The following GNB3 variants were observed in gnomAD, a reference collection of about 807,000 sequenced individuals.
GNB3 encodes the protein guanine nucleotide-binding protein G(I)/G(S)/G(T) subunit beta-3.
A neutral mutation model predicts 41.2 loss-of-function variants in GNB3; 33 were observed. The observed-to-expected ratio is 0.80, with a 90% CI of 0.61 to 1.07. GNB3 has a LOEUF of 1.07. Ranked by LOEUF, GNB3 falls within the 50% of genes least tolerant of loss-of-function variation. The pLI is 0.00. For missense variants in GNB3, 409 were observed against 455.3 expected (o/e 0.90, Z 0.92); for synonymous variants, 172 against 173.4 (o/e 0.99, Z 0.06).
Position 6,845,642 on chromosome 12 carries a change from G to A in GNB3, c.756G>A (p.Leu252=), listed in dbSNP as rs376864994. 4 of 1,613,876 alleles carry A rather than the reference G, an allele frequency of 2.5e-6. No individual in the cohort carries two copies. The African/African-American group carries it at 4.0e-5, about 16-fold the overall frequency. The change falls in exon 9 of 10, where the codon TTG becomes TTA. Residue 252 remains leucine, a synonymous_variant. Coordinates refer to ENST00000229264, the MANE Select transcript of GNB3 (RefSeq NM_002075.4). ...GCTCGGATGACGCTTCCTGCCGCTT[G>A]TTTGACCTGCGGGCAGACCAGGAGC... ...CTGSDDASCR[L]FDLRADQELI... is the part of the protein sequence containing the mutation.
intron 3 of GNB3, 68 bp downstream of exon 3, chr12:6,841,692 A>G: frequency 8.7e-7 from 1 of 1,148,822 alleles, no homozygotes; most frequent in Non-Finnish European, 1.3e-6. Flanking sequence ...GACCCGCAAT[A>G]GCGCGTTGCT....
chr12:6,842,522 G>A (rs782776645), intron 3 of GNB3, among the ~76,000 whole-genome samples: 1 of 152,348 alleles, frequency 6.6e-6, no homozygotes, highest in Non-Finnish European at 1.5e-5. Flanking sequence ...ACAGATTTCA[G>A]GAGGTACAGT....
chr12:6,844,093 A>ATT lies in GNB3; in HGVS notation c.699+140_699+141dup, dbSNP rs34871066. On this transcript the variant is annotated intron_variant, in intron 8 of 9. Coordinates refer to ENST00000229264, the MANE Select transcript of GNB3 (RefSeq NM_002075.4). ...AGCTTCCCTAGCCCTTTCTTACTGT[A>ATT]TTTTTTTTTTTTTTTTTTTTTTTTT... The ATT allele has an allele frequency of 2.4e-3, 618 of 257,814 alleles. 4 individuals are homozygous for ATT. Among genetic ancestry groups the ATT allele is most frequent in the Middle Eastern group, 7.9e-3 (7 of 884 alleles). The allele number at this position is 257,814 out of a possible 1,614,324, so 16.0% of individuals were successfully genotyped here.
In GNB3 at chr12:6,843,659, A is replaced by G. The variant is rs781988763; in HGVS notation, c.458A>G (p.Asp153Gly). The G allele has an allele frequency of 1.9e-6, 3 of 1,614,106 alleles. No homozygotes were observed. The highest frequency in any genetic ancestry group is 1.1e-5 in the South Asian group (1 of 91,068). Residue 153 changes from aspartate to glycine, a missense_variant, in exon 7 of 10, where the codon GAT becomes GGT. Coordinates refer to ENST00000229264, the MANE Select transcript of GNB3 (RefSeq NM_002075.4). This position sits in a 1 kb window ranked among gnomAD's most constrained non-coding sequence, Gnocchi z 5.9. ...TGYLSCCRFL[D>G]DNNIVTSSGD... Reference sequence around the variant, plus strand: ...TATCTCTCCTGCTGCCGCTTCCTGGATGACAACAATATTGTGACCAGCTCG... The same window carrying G: ...TATCTCTCCTGCTGCCGCTTCCTGGGTGACAACAATATTGTGACCAGCTCG...
At chr12:6,844,881 C>A (rs924581438) in intron 8 of GNB3, 11 of 152,214 alleles carry the variant, frequency 7.2e-5, no homozygotes, top group African/African-American at 2.4e-4. Context: ...CTTCCCGAAA[C>A]AAAGCCCTTC....
intron 8 of GNB3, among the ~76,000 whole-genome samples, chr12:6,844,515 G>A (rs1943645222): frequency 6.6e-6 from 1 of 152,076 alleles, no homozygotes; most frequent in South Asian, 2.1e-4. Flanking sequence ...AACCTCCAGG[G>A]TTCAACCAAT....
intron 2 of GNB3, 118 bp from the exon 3 acceptor site, chr12:6,841,468 T>C: frequency 8.4e-7 from 1 of 1,192,952 alleles, no homozygotes; most frequent in Non-Finnish European, 1.2e-6. Context: ...TTTCTAAACT[T>C]GGTTCGCATA....
chr12:6,841,224 G>T lies in GNB3; in HGVS notation c.-30-34G>T, dbSNP rs1398288050. 1.1e-5 allele frequency: 15 copies of T among 1,376,260 alleles called. 1 individual carries two copies. The Middle Eastern group carries it at 2.4e-3, about 219-fold the overall frequency. 85.3% of individuals were successfully genotyped at this position (1,376,260 alleles called of 1,614,324 possible). On this transcript the variant is annotated intron_variant, in intron 1 of 9. Coordinates refer to ENST00000229264, the MANE Select transcript of GNB3 (RefSeq NM_002075.4). ...AAGGGCAGAAGCACAGCCTGGTGGGGGGTTCCTCAACACCGACCCCATGTT... is the reference window on the plus strand; with the variant it reads ...AAGGGCAGAAGCACAGCCTGGTGGGTGGTTCCTCAACACCGACCCCATGTT...
At chr12:6,846,552 G>T in intron 9 of GNB3, 1 of 413,204 alleles carries the variant, frequency 2.4e-6, no homozygotes, top group Non-Finnish European at 4.4e-6. Context: ...CAGTCTCTTA[G>T]CCTTCTTCAG....
Position 6,846,945 on chromosome 12 carries a change from C to A in GNB3, c.*47C>A, listed in dbSNP as rs1454085476. ...GGAAGGCAGTGAACACACTCAGCAG[C>A]CCCCTGCCCGACCCCATCTCATTCA... On this transcript the variant is annotated 3_prime_UTR_variant, in exon 10 of 10. Coordinates refer to ENST00000229264, the MANE Select transcript of GNB3 (RefSeq NM_002075.4). The A allele has an allele frequency of 5.7e-6, 6 of 1,056,184 alleles. No homozygotes were observed. The African/African-American group carries it at 9.4e-5, about 17-fold the overall frequency. 65.4% of individuals were successfully genotyped at this position (1,056,184 alleles called of 1,614,324 possible).
chr12:6,841,552 G>GC (rs1943574190), intron 2 of GNB3, 34 bp from the exon 3 acceptor site: 2 of 1,596,990 alleles, frequency 1.3e-6, no homozygotes, highest in Middle Eastern at 1.7e-4. Flanking sequence ...CCCCCACCTC[G>GC]CCCTTGCTCC....
rs1943614173 is a variant in GNB3, at chr12:6,843,448, A to G, written c.353A>G (p.Asp118Gly). 2 of 1,613,952 alleles carry G rather than the reference A, an allele frequency of 1.2e-6. No homozygotes were observed. The highest frequency in any genetic ancestry group is 1.7e-6 in the Non-Finnish European group (2 of 1,179,922). Reference protein sequence around the residue: ...SGNFVACGGLDNMCSIYNLKS... With the variant: ...SGNFVACGGLGNMCSIYNLKS... The stretch of plus-strand genomic sequence containing the variant: ...AACTTTGTGGCATGTGGGGGGCTGG[A>G]CAACATGTGTTCCATCTACAACCTC... The change falls in exon 6 of 10, where the codon GAC (aspartate) becomes GGC (glycine). Residue 118 changes from aspartate (D) to glycine (G), a missense_variant. Physicochemically the swap from Asp to Gly is moderately conservative, Grantham distance 94 (BLOSUM62 -1). Transcript: ENST00000229264. The surrounding 1 kb of genome is among the most constrained non-coding windows in gnomAD (Gnocchi z 5.9).
At chr12:6,842,173 A>G (rs1314432708) in intron 3 of GNB3, among the ~76,000 whole-genome samples, 3 of 152,198 alleles carry the variant, frequency 2.0e-5, no homozygotes, top group Non-Finnish European at 4.4e-5. Context: ...TTTTCATGAT[A>G]TCTCTGTAAG....
At position 6,843,097 on chromosome 12, in the gene GNB3, G is replaced by A. The variant is rs782626020; in HGVS notation, c.203+21G>A. The stretch of plus-strand genomic sequence containing the variant: ...TCTAAGTGAGGCTTGGGGGGGAACC[G>A]AGAATGGGAGGGTGAGAGCGGGAGT... On this transcript the variant is annotated intron_variant, in intron 4 of 9. Coordinates refer to ENST00000229264, the MANE Select transcript of GNB3 (RefSeq NM_002075.4). The surrounding 1 kb of genome is among the most constrained non-coding windows in gnomAD (Gnocchi z 5.9). The A allele has an allele frequency of 1.9e-5, 31 of 1,602,284 alleles. No homozygotes were observed. The highest frequency in any genetic ancestry group is 6.7e-5 in the Admixed American group (4 of 59,880).
At chr12:6,844,945 A>AT (rs1214245932) in intron 8 of GNB3, 2 of 152,256 alleles carry the variant, frequency 1.3e-5, no homozygotes, top group East Asian at 3.8e-4. Context: ...CATTGACACA[A>AT]TACTACAGTC....
In GNB3 at chr12:6,843,752, T is replaced by A; in HGVS notation, c.498-25T>A. 6.2e-7 allele frequency: 1 copy of A among 1,612,878 alleles called. No individual in the cohort carries two copies. On this transcript the variant is annotated intron_variant, in intron 7 of 9. Transcript: ENST00000229264. The surrounding 1 kb of genome is among the most constrained non-coding windows in gnomAD (Gnocchi z 5.9). Reference sequence around the variant, plus strand: ...CTTGGGAGTGGGCCCGGCCTTTCTCTAACAGTCTCCCTCCATTTTGGCAGT... The same window carrying A: ...CTTGGGAGTGGGCCCGGCCTTTCTCAAACAGTCTCCCTCCATTTTGGCAGT...
In GNB3 at chr12:6,843,835, G is replaced by A. The variant is rs781826431; in HGVS notation, c.556G>A (p.Asp186Asn). The A allele has an allele frequency of 1.9e-6, 3 of 1,614,120 alleles. No homozygotes were observed. Among genetic ancestry groups the A allele is most frequent in the African/African-American group, 2.7e-5 (2 of 75,044 alleles). ...GACTGTATTTGTGGGACACACGGGT[G>A]ACTGCATGAGCCTGGCTGTGTCTCC... is the stretch of plus-strand genomic sequence containing the variant. Reference protein sequence around the residue: ...QKTVFVGHTGDCMSLAVSPDF... With the variant: ...QKTVFVGHTGNCMSLAVSPDF... The change falls in exon 8 of 10, where the codon GAC becomes AAC. Residue 186 changes from aspartate to asparagine, a missense_variant. By Grantham distance (23) the Asp-to-Asn change is conservative. Transcript: ENST00000229264. The surrounding 1 kb of genome is among the most constrained non-coding windows in gnomAD (Gnocchi z 5.9).
intron 8 of GNB3, among the ~76,000 whole-genome samples, chr12:6,844,352 T>G (rs782693349): frequency 6.6e-6 from 1 of 151,918 alleles, no homozygotes; most frequent in Non-Finnish European, 1.5e-5. Context: ...TCCTCCCACC[T>G]CAGCTTCCCA....
Position 6,845,684 on chromosome 12 carries a change from C to T in GNB3, c.798C>T (p.His266=), listed in dbSNP as rs782748157. ...RADQELICFS[H]ESIICGITSV... ...ACCAGGAGCTGATCTGCTTCTCCCA[C>T]GAGAGCATCATCTGCGGCATCACGT... The change falls in exon 9 of 10, where the codon CAC becomes CAT. Residue 266 remains histidine (H), a synonymous_variant. Coordinates refer to ENST00000229264, the MANE Select transcript of GNB3 (RefSeq NM_002075.4). 25 of 1,613,920 alleles carry T rather than the reference C, an allele frequency of 1.5e-5. No homozygotes were observed. Among genetic ancestry groups the T allele is most frequent in the East Asian group, 6.7e-5 (3 of 44,896 alleles).
Sources: allele counts gnomAD v4.1 joint callset (sites outside exome capture counted in the v4.1 genomes callset), GRCh38; gene constraint gnomAD v4.1.1; non-coding constraint Gnocchi (gnomAD v3.1); transcripts MANE v1.5; gene names NCBI Gene and HGNC (gene_info 2026-07-23, HGNC 2026-07-21).